ABLIM1: variants seen among roughly 807,000 people sequenced by gnomAD.
ABLIM1 encodes actin-binding LIM protein 1.
A neutral mutation model predicts 107.0 loss-of-function variants in ABLIM1; 40 were observed. That is an observed-to-expected ratio of 0.37 (90% CI 0.29 to 0.49). The LOEUF (loss-of-function observed/expected upper bound fraction) is 0.49. Among genes scored for constraint, ABLIM1 ranks in the 20% least tolerant of loss-of-function variants. ABLIM1 has a pLI of 0.97. For synonymous variants in ABLIM1, 357 were observed against 357.3 expected, an observed-to-expected ratio of 1.00 and a Z score of 0.01; for missense variants, 857 against 1,008.5, an observed-to-expected ratio of 0.85 and a Z score of 2.04.
At chr10:114,478,505 A>G (rs551958185) in intron 8 of ABLIM1, among the ~76,000 whole-genome samples, 1 of 152,194 alleles carries the variant, frequency 6.6e-6, no homozygotes, top group Non-Finnish European at 1.5e-5. Context: ...TGCTGTTCTC[A>G]TGATAGTGAG....
At chr10:114,753,147 C>G (rs922443671) in intron 1 of ABLIM1, among the ~76,000 whole-genome samples, 1 of 152,088 alleles carries the variant, frequency 6.6e-6, no homozygotes. Context: ...AATGGTCTCC[C>G]CCTTGGTAGA....
At chr10:114,478,173 G>GT (rs1227924392) in intron 8 of ABLIM1, among the ~76,000 whole-genome samples, 1 of 152,134 alleles carries the variant, frequency 6.6e-6, no homozygotes, top group East Asian at 1.9e-4. Flanking sequence ...GACCCATTTG[G>GT]TTTTTAAAAG....
At chr10:114,623,028 C>A (rs975292165) in intron 1 of ABLIM1, among the ~76,000 whole-genome samples, 7 of 152,160 alleles carry the variant, frequency 4.6e-5, no homozygotes, top group Non-Finnish European at 7.3e-5. Context: ...ATGGCGATCT[C>A]AGCTCACTGC....
At chr10:114,792,594 G>T in the ABLIM1 span, among the ~76,000 whole-genome samples, 703 of 152,284 alleles carry the variant, frequency 4.6e-3, 10 homozygotes, top group African/African-American at 0.016. Context: ...CCTGCTGGCT[G>T]CTCCTTCTTC....
intron 6 of ABLIM1, among the ~76,000 whole-genome samples, chr10:114,516,540 A>C (rs1185730117): frequency 1.3e-5 from 2 of 152,298 alleles, no homozygotes; most frequent in South Asian, 2.1e-4. Flanking sequence ...AAGCCAAAAC[A>C]ACAAAAACTG....
Position 114,499,665 on chromosome 10 carries a change from G to A in ABLIM1, c.895-7787C>T, listed in dbSNP as rs182866302. Among the ~76,000 whole-genome samples, 576 of 152,324 alleles carry A rather than the reference G, an allele frequency of 3.8e-3. 3 individuals carry two copies. Among genetic ancestry groups the A allele is most frequent in the Middle Eastern group, 6.8e-3 (2 of 294 alleles). ...AATGAGTCTATGCAGATCACCATGA[G>A]ATGGGAAAACACTGGTCTGGGTGGT... On this transcript the variant is annotated intron_variant, in intron 6 of 22. Coordinates refer to ENST00000533213, the MANE Select transcript of ABLIM1 (RefSeq NM_002313.7).
chr10:114,730,554 T>C (rs1440814528), intron 1 of ABLIM1, among the ~76,000 whole-genome samples: 1 of 152,110 alleles, frequency 6.6e-6, no homozygotes, highest in African/African-American at 2.4e-5. Flanking sequence ...GCTAAGTTCA[T>C]AGCCAACCAA....
At chr10:114,576,084 G>A (rs761746605) in intron 2 of ABLIM1, among the ~76,000 whole-genome samples, 6 of 152,104 alleles carry the variant, frequency 3.9e-5, no homozygotes, top group Non-Finnish European at 2.9e-5. Flanking sequence ...CCACTGCTAC[G>A]AAAAATTCAG....
chr10:114,492,607 G>A (rs138638508), intron 6 of ABLIM1, among the ~76,000 whole-genome samples: 183 of 152,296 alleles, frequency 1.2e-3, no homozygotes, highest in African/African-American at 4.3e-3. Flanking sequence ...AATCACATTA[G>A]AGTCATGCTC....
intron 1 of ABLIM1, among the ~76,000 whole-genome samples, chr10:114,747,693 T>C (rs964245830): frequency 1.3e-5 from 2 of 152,244 alleles, no homozygotes; most frequent in Non-Finnish European, 2.9e-5. Flanking sequence ...CTAATTGCTT[T>C]CTTTATATGT....
intron 1 of ABLIM1, among the ~76,000 whole-genome samples, chr10:114,679,258 G>A (rs1175927182): frequency 6.6e-6 from 1 of 152,174 alleles, no homozygotes; most frequent in Non-Finnish European, 1.5e-5. Context: ...CAGAAAAAGT[G>A]TGCTGCCTGC....
At chr10:114,786,767 G>GATTGCA in the ABLIM1 span, among the ~76,000 whole-genome samples, 6 of 152,240 alleles carry the variant, frequency 3.9e-5, no homozygotes, top group African/African-American at 1.4e-4. Context: ...GAGGTGCCGG[G>GATTGCA]ATTGCAGATG....
intron 1 of ABLIM1, among the ~76,000 whole-genome samples, chr10:114,747,501 C>A (rs2082409309): frequency 6.6e-6 from 1 of 152,204 alleles, no homozygotes; most frequent in African/African-American, 2.4e-5. Context: ...GTAGAAGAAT[C>A]TGCAGCTAAT....
At chr10:114,492,099 G>A (rs2059082407) in intron 6 of ABLIM1, among the ~76,000 whole-genome samples, 1 of 151,938 alleles carries the variant, frequency 6.6e-6, no homozygotes, top group African/African-American at 2.4e-5. Flanking sequence ...GCCTGGTGGG[G>A]CTGCCTTGCC....
chr10:114,532,485 G>A (rs2065558266), intron 6 of ABLIM1, among the ~76,000 whole-genome samples: 1 of 152,204 alleles, frequency 6.6e-6, no homozygotes, highest in Admixed American at 6.5e-5. Context: ...TGAAACAGAC[G>A]AGGAGGCAGC....
At chr10:114,485,326 G>C (rs182557837) in intron 8 of ABLIM1, 14 of 1,612,842 alleles carry the variant, frequency 8.7e-6, no homozygotes, top group Admixed American at 3.3e-5. Flanking sequence ...CCTGTGCGTC[G>C]AATCAGACTT....
chr10:114,734,420 A>G (rs1207061510), intron 1 of ABLIM1, among the ~76,000 whole-genome samples: 1 of 152,068 alleles, frequency 6.6e-6, no homozygotes, highest in Admixed American at 6.6e-5. Flanking sequence ...ACCTTACTCC[A>G]ATGACACTCT....
intron 4 of ABLIM1, among the ~76,000 whole-genome samples, chr10:114,557,755 A>C (rs1241661611): frequency 2.0e-5 from 3 of 146,794 alleles, no homozygotes; most frequent in African/African-American, 7.6e-5. Context: ...AGTTCTTAGC[A>C]AACTCCCCTT....
Position 114,629,341 on chromosome 10 carries a change from C to T in ABLIM1, c.245-27380G>A, listed in dbSNP as rs906658003. 3.3e-5 allele frequency among the ~76,000 whole-genome samples: 5 copies of T among 152,182 alleles called. No individual in the cohort carries two copies. Among genetic ancestry groups the T allele is most frequent in the African/African-American group, 7.2e-5 (3 of 41,444 alleles). On this transcript the variant is annotated intron_variant, in intron 1 of 22. Transcript: ENST00000533213. The surrounding 1 kb of genome is among the most constrained non-coding windows in gnomAD (Gnocchi z 4.0). ...GACATTGCCAGGACCCGAGCCTCCT[C>T]GAGTTGATTCCTGACAGCTCCACAG...
Sources: gnomAD v4.1 joint callset for allele counts (sites outside exome capture counted in the v4.1 genomes callset) on GRCh38, gnomAD v4.1.1 for gene constraint, Gnocchi (gnomAD v3.1) non-coding constraint, MANE v1.5 for transcripts, NCBI Gene and HGNC (gene_info 2026-07-23, HGNC 2026-07-21) for gene names.